Variants in ROBO1 observed in about 807,000 individuals in gnomAD.
ROBO1 encodes the protein roundabout guidance receptor 1.
ROBO1 carries 149 observed loss-of-function variants against 195.9 expected under a neutral mutation model. The observed-to-expected ratio is 0.76, with a 90% CI of 0.67 to 0.87. The LOEUF is 0.87. ROBO1 is among the 40% of genes least tolerant of loss of function. The probability of loss-of-function intolerance (pLI) is 0.00; values close to 1 mark genes in which losing one functional copy is unlikely to be tolerated. For synonymous variants in ROBO1, 816 were observed against 733.2 expected (o/e 1.11, Z -1.82); for missense variants, 1,933 against 2,068.3 (o/e 0.93, Z 1.27).
At chr3:79,054,232 C>G (rs898753707) in intron 3 of ROBO1, among the ~76,000 whole-genome samples, 2 of 152,102 alleles carry the variant, frequency 1.3e-5, no homozygotes, top group Middle Eastern at 3.2e-3. Context: ...GAACAAGTAA[C>G]AAAGGTGTGT....
At chr3:79,127,005 AC>A (rs1466767863) in intron 2 of ROBO1, among the ~76,000 whole-genome samples, 10 of 150,832 alleles carry the variant, frequency 6.6e-5, no homozygotes, top group African/African-American at 2.2e-4. Flanking sequence ...TGTGGCTAAA[AC>A]GAAAAAAAAA....
At chr3:78,836,155 T>C (rs1180851987) in intron 4 of ROBO1, among the ~76,000 whole-genome samples, 1 of 152,202 alleles carries the variant, frequency 6.6e-6, no homozygotes, top group African/African-American at 2.4e-5. Flanking sequence ...ATTCCAGTTA[T>C]AAGAAAGAAA....
intron 1 of ROBO1, among the ~76,000 whole-genome samples, chr3:79,612,911 A>T (rs1414884330): frequency 2.5e-3 from 2 of 786 alleles, no homozygotes; most frequent in Admixed American, 0.02. Context: ...TTTTGCAATG[A>T]TTGAAGTGAT....
intron 2 of ROBO1, among the ~76,000 whole-genome samples, chr3:79,241,683 T>C (rs1431128749): frequency 6.6e-6 from 1 of 150,436 alleles, no homozygotes; most frequent in African/African-American, 2.4e-5. Flanking sequence ...GATAACAATA[T>C]TTATGTAATA....
At chr3:79,757,127 G>A (rs1451617796) in intron 1 of ROBO1, among the ~76,000 whole-genome samples, 1 of 152,100 alleles carries the variant, frequency 6.6e-6, no homozygotes, top group Admixed American at 6.6e-5. Context: ...AAACATTGCT[G>A]TACAAATACT....
chr3:78,879,017 C>T (rs1236690135), intron 4 of ROBO1, among the ~76,000 whole-genome samples: 1 of 152,156 alleles, frequency 6.6e-6, no homozygotes, highest in Non-Finnish European at 1.5e-5. Flanking sequence ...GTTGTTGCTG[C>T]TCTTTGAACT....
intron 4 of ROBO1, among the ~76,000 whole-genome samples, chr3:78,876,680 G>A (rs776458950): frequency 3.9e-5 from 6 of 152,146 alleles, no homozygotes; most frequent in African/African-American, 9.7e-5. Context: ...ACAGCTGTCC[G>A]ATGACAACCA....
intron 2 of ROBO1, among the ~76,000 whole-genome samples, chr3:79,379,789 A>G (rs2036508960): frequency 6.6e-6 from 1 of 152,182 alleles, no homozygotes; most frequent in Non-Finnish European, 1.5e-5. Context: ...CAGGCGACAA[A>G]AATCAGACTC....
chr3:79,720,722 T>C (rs1234609019), intron 1 of ROBO1, among the ~76,000 whole-genome samples: 2 of 151,934 alleles, frequency 1.3e-5, no homozygotes, highest in Admixed American at 1.3e-4. Context: ...CTATGGATTC[T>C]ACTAAAGTCA....
At chr3:79,332,150 G>GAAAAAAAAAAAAAAAAAAAAAAA (rs1350093101) in intron 2 of ROBO1, among the ~76,000 whole-genome samples, 2 of 94,228 alleles carry the variant, frequency 2.1e-5, no homozygotes, top group Non-Finnish European at 2.3e-5. Flanking sequence ...CTCAAAAAAA[G>GAAAAAAAAAAAAAAAAAAAAAAA]AAAAAAAAAA....
intron 2 of ROBO1, among the ~76,000 whole-genome samples, chr3:79,252,649 C>T (rs2082753149): frequency 6.6e-6 from 1 of 152,076 alleles, no homozygotes; most frequent in South Asian, 2.1e-4. Context: ...ATTGTAATAG[C>T]AGCCAGCATT....
intron 3 of ROBO1, among the ~76,000 whole-genome samples, chr3:79,053,914 AT>A (rs1226987374): frequency 6.6e-6 from 1 of 152,104 alleles, no homozygotes; most frequent in Non-Finnish European, 1.5e-5. Context: ...GTACCTCTAA[AT>A]CTTACCTTTT....
chr3:78,973,454 CTATA>C (rs935695235), intron 3 of ROBO1, among the ~76,000 whole-genome samples: 2 of 139,846 alleles, frequency 1.4e-5, no homozygotes, highest in African/African-American at 2.7e-5. Context: ...ATACAAGAAG[CTATA>C]TATATAAGAA....
At chr3:78,607,931 T>C (rs1048837925) in intron 28 of ROBO1, among the ~76,000 whole-genome samples, 2 of 152,096 alleles carry the variant, frequency 1.3e-5, no homozygotes, top group African/African-American at 4.8e-5. Flanking sequence ...TATAATCTAC[T>C]ATTCATTGAT....
At chr3:79,554,350 G>A (rs2107684467) in intron 2 of ROBO1, among the ~76,000 whole-genome samples, 1 of 152,020 alleles carries the variant, frequency 6.6e-6, no homozygotes, top group African/African-American at 2.4e-5. Context: ...ATAGCATTAA[G>A]TATCATAAGC....
intron 4 of ROBO1, among the ~76,000 whole-genome samples, chr3:78,871,742 C>CAAAAAAAAA (rs71127366): frequency 3.0e-4 from 33 of 111,330 alleles, no homozygotes; most frequent in East Asian, 1.1e-3. Flanking sequence ...GCTTTCACAG[C>CAAAAAAAAA]AAAAAAAAAA....
At chr3:79,613,988 AC>A (rs1401479439) in intron 1 of ROBO1, among the ~76,000 whole-genome samples, 1 of 152,094 alleles carries the variant, frequency 6.6e-6, no homozygotes, top group Non-Finnish European at 1.5e-5. Flanking sequence ...GTGTGTATAC[AC>A]CTAACAACAG....
intron 4 of ROBO1, among the ~76,000 whole-genome samples, chr3:78,867,959 T>C (rs1472878516): frequency 1.3e-5 from 2 of 152,196 alleles, no homozygotes; most frequent in African/African-American, 4.8e-5. Flanking sequence ...CGTCTATTCT[T>C]GTCTTAAAGG....
At chr3:79,019,461 C>A in intron 3 of ROBO1, 1 of 986,288 alleles carries the variant, frequency 1.0e-6, no homozygotes, top group Non-Finnish European at 1.2e-6. Context: ...AGCTCAATTG[C>A]TTGTGGGTTT....
Sources: gnomAD v4.1 joint callset for allele counts (sites outside exome capture counted in the v4.1 genomes callset) on GRCh38, gnomAD v4.1.1 for gene constraint, MANE v1.5 for transcripts, NCBI Gene and HGNC (gene_info 2026-07-23, HGNC 2026-07-21) for gene names.